The following ADGRL2 variants were observed in gnomAD, a reference collection of about 807,000 sequenced individuals.
ADGRL2 encodes adhesion G protein-coupled receptor L2.
In ADGRL2, 44 loss-of-function variants were observed where a neutral mutation model predicts 157.4. That is an observed-to-expected ratio of 0.28 (90% CI 0.22 to 0.36). ADGRL2 has a LOEUF of 0.36. Among genes scored for constraint, ADGRL2 ranks in the 10% least tolerant of loss-of-function variants. The pLI is 1.00. For missense variants in ADGRL2, 1,510 were observed against 1,768.9 expected (o/e 0.85, Z 2.63); for synonymous variants, 585 against 624.7 (o/e 0.94, Z 0.95).
chr1:81,731,478 C>T (rs142703280), intron 1 of ADGRL2, among the ~76,000 whole-genome samples: 17 of 152,082 alleles, frequency 1.1e-4, no homozygotes, highest in African/African-American at 4.1e-4. Context: ...TCTAGAGACT[C>T]CCTAAGATTT....
At chr1:81,763,588 CA>C (rs35775918) in intron 2 of ADGRL2, among the ~76,000 whole-genome samples, 98 of 122,022 alleles carry the variant, frequency 8.0e-4, no homozygotes, top group Non-Finnish European at 7.7e-4. Context: ...GATTCAGTCT[CA>C]AAAAAAAAAA....
At chr1:81,367,453 A>G (rs1409812796) in intron 1 of ADGRL2, among the ~76,000 whole-genome samples, 3 of 152,164 alleles carry the variant, frequency 2.0e-5, no homozygotes, top group Non-Finnish European at 4.4e-5. Context: ...TCCCACTTAT[A>G]AATGAGAACA....
chr1:81,687,665 G>C (rs1212388931), intron 3 of ADGRL2, among the ~76,000 whole-genome samples: 1 of 152,090 alleles, frequency 6.6e-6, no homozygotes, highest in South Asian at 2.1e-4. Context: ...GTGAGGTATT[G>C]TTACATTCAT....
intron 3 of ADGRL2, among the ~76,000 whole-genome samples, chr1:81,632,233 C>CT (rs2082023339): frequency 1.3e-5 from 2 of 152,116 alleles, no homozygotes; most frequent in South Asian, 4.2e-4. Context: ...TTAGACTGAG[C>CT]TTAAGTAGTG....
intron 2 of ADGRL2, among the ~76,000 whole-genome samples, chr1:81,534,815 G>T (rs996324266): frequency 6.6e-6 from 1 of 152,182 alleles, no homozygotes; most frequent in African/African-American, 2.4e-5. Context: ...AGACTATTTG[G>T]TGGCTGGTAA....
intron 1 of ADGRL2, among the ~76,000 whole-genome samples, chr1:81,751,923 A>G (rs1222598305): frequency 6.6e-6 from 1 of 152,198 alleles, no homozygotes; most frequent in Non-Finnish European, 1.5e-5. Flanking sequence ...ATCTTCCATG[A>G]TATGTTGTCA....
In ADGRL2 at chr1:81,726,340, T is replaced by C. The variant is rs2084528749; in HGVS notation, c.-143+26532T>C. 2.0e-5 allele frequency among the ~76,000 whole-genome samples: 3 copies of C among 152,168 alleles called. 1 individual carries two copies. In the South Asian group the frequency reaches 6.2e-4, roughly 32 times the overall value. ...GATTAATACTGGGTTACTGAAACCC[T>C]TAGTGTGGTCAAAGAAAACTTTGTG... On this transcript the variant is annotated intron_variant, in intron 1 of 20. Transcript: ENST00000359929.
intron 1 of ADGRL2, among the ~76,000 whole-genome samples, chr1:81,444,537 G>T (rs1325235852): frequency 6.6e-6 from 1 of 152,182 alleles, no homozygotes; most frequent in African/African-American, 2.4e-5. Context: ...CAGATGCTCA[G>T]TTCCTAACGG....
At chr1:81,589,340 G>C (rs1477698689) in intron 3 of ADGRL2, among the ~76,000 whole-genome samples, 2 of 152,080 alleles carry the variant, frequency 1.3e-5, no homozygotes, top group African/African-American at 4.8e-5. Flanking sequence ...ACTATATTTG[G>C]ACCAAGCTGG....
chr1:81,308,061 G>A (rs1659475193), intron 1 of ADGRL2, among the ~76,000 whole-genome samples: 1 of 151,664 alleles, frequency 6.6e-6, no homozygotes, highest in Non-Finnish European at 1.5e-5. Context: ...TACTCGGCTA[G>A]GATAGCAACC....
chr1:81,837,970 A>G (rs68039703), intron 2 of ADGRL2, among the ~76,000 whole-genome samples: 21,314 of 151,974 alleles, frequency 0.14, 1,661 homozygotes, highest in East Asian at 0.2. Flanking sequence ...AGAAATGCAT[A>G]TAAATTATAA....
intron 3 of ADGRL2, among the ~76,000 whole-genome samples, chr1:81,658,447 A>C (rs2148869284): frequency 6.6e-6 from 1 of 152,276 alleles, no homozygotes; most frequent in East Asian, 1.9e-4. Context: ...AGGGGGAATA[A>C]GTGTACTTTT....
chr1:81,367,569 CT>C (rs1570742053), intron 1 of ADGRL2, among the ~76,000 whole-genome samples: 1 of 151,650 alleles, frequency 6.6e-6, no homozygotes, highest in Non-Finnish European at 1.5e-5. Flanking sequence ...TCTTTTTTTT[CT>C]TTTTTTGAGA....
chr1:81,927,997 T>C (rs1244123302), intron 3 of ADGRL2, among the ~76,000 whole-genome samples: 2 of 152,090 alleles, frequency 1.3e-5, no homozygotes, highest in Non-Finnish European at 2.9e-5. Flanking sequence ...TGAGGATGAT[T>C]GTAACCTTGT....
intron 3 of ADGRL2, among the ~76,000 whole-genome samples, chr1:81,668,369 G>A (rs932324774): frequency 1.2e-4 from 18 of 150,902 alleles, no homozygotes; most frequent in African/African-American, 4.1e-4. Context: ...AAGTTGCAGT[G>A]AGCTGGGATC....
intron 3 of ADGRL2, among the ~76,000 whole-genome samples, chr1:81,583,755 C>T (rs944416697): frequency 1.3e-5 from 2 of 152,086 alleles, no homozygotes; most frequent in African/African-American, 4.8e-5. Context: ...AACTAGAAAG[C>T]TTATAACTCT....
intron 1 of ADGRL2, among the ~76,000 whole-genome samples, chr1:81,746,660 G>C (rs1334028564): frequency 6.6e-6 from 1 of 151,968 alleles, no homozygotes; most frequent in African/African-American, 2.4e-5. Flanking sequence ...TTAGAAAAAT[G>C]ATATGTTTAT....
chr1:81,330,985 A>T (rs1377648677), intron 1 of ADGRL2, among the ~76,000 whole-genome samples: 10 of 152,194 alleles, frequency 6.6e-5, no homozygotes, highest in Admixed American at 6.5e-4. Flanking sequence ...TGAATCATAA[A>T]TTTCACAAGT....
chr1:81,396,428 A>G (rs1421684953), intron 1 of ADGRL2, among the ~76,000 whole-genome samples: 1 of 152,218 alleles, frequency 6.6e-6, no homozygotes, highest in Admixed American at 6.5e-5. Flanking sequence ...TGTATATATG[A>G]CCATGTTCCC....
Sources: gnomAD v4.1 joint callset for allele counts (sites outside exome capture counted in the v4.1 genomes callset) on GRCh38, gnomAD v4.1.1 for gene constraint, MANE v1.5 for transcripts, NCBI Gene and HGNC (gene_info 2026-07-23, HGNC 2026-07-21) for gene names.